Variants in GRAMD1C observed in about 807,000 individuals in gnomAD.
GRAMD1C encodes protein Aster-C.
A neutral mutation model predicts 97.8 loss-of-function variants in GRAMD1C; 89 were observed. That is an observed-to-expected ratio of 0.91 (90% CI 0.77 to 1.09). The LOEUF (loss-of-function observed/expected upper bound fraction) is 1.09, where lower values mean the gene tolerates loss of function less well. GRAMD1C is among the 50% of genes least tolerant of loss of function. GRAMD1C has a pLI of 0.00. For missense variants in GRAMD1C, 740 were observed against 766.4 expected, an observed-to-expected ratio of 0.97 and a Z score of 0.41; for synonymous variants, 256 against 267.0, an observed-to-expected ratio of 0.96 and a Z score of 0.40.
At chr3:113,919,294 A>G (rs560540110) in intron 10 of GRAMD1C, 1 of 471,256 alleles carries the variant, frequency 2.1e-6, no homozygotes, top group African/African-American at 2.0e-5. Context: ...GAAGCCAGGA[A>G]AATGACAGAA....
chr3:113,929,064 T>C (rs955720897), intron 10 of GRAMD1C, among the ~76,000 whole-genome samples: 1 of 152,252 alleles, frequency 6.6e-6, no homozygotes, highest in Non-Finnish European at 1.5e-5. Context: ...CCATACTGGC[T>C]GTATCATTTT....
intron 9 of GRAMD1C, among the ~76,000 whole-genome samples, chr3:113,913,380 C>T (rs1936680803): frequency 7.5e-6 from 1 of 133,146 alleles, no homozygotes; most frequent in South Asian, 2.3e-4. Flanking sequence ...CAAAAATTAG[C>T]TGGGTGTGGT....
At chr3:113,866,832 T>G (rs1021583368) in intron 2 of GRAMD1C, among the ~76,000 whole-genome samples, 2 of 126,942 alleles carry the variant, frequency 1.6e-5, no homozygotes, top group Non-Finnish European at 3.4e-5. Context: ...TAGACCCTTA[T>G]GTCTTTTTTT....
chr3:113,905,943 T>C (rs571844587), intron 8 of GRAMD1C, among the ~76,000 whole-genome samples: 2 of 152,250 alleles, frequency 1.3e-5, no homozygotes, highest in South Asian at 4.2e-4. Context: ...GTGATCCACC[T>C]GCCTGAGGCT....
At chr3:113,921,385 A>C (rs773998595) in intron 10 of GRAMD1C, among the ~76,000 whole-genome samples, 1 of 152,212 alleles carries the variant, frequency 6.6e-6, no homozygotes. Context: ...TATGCATTGC[A>C]TGTCTTTACT....
chr3:113,841,181 A>G (rs1230037202), intron 1 of GRAMD1C, among the ~76,000 whole-genome samples: 1 of 152,068 alleles, frequency 6.6e-6, no homozygotes, highest in African/African-American at 2.4e-5. Context: ...GTAATGAACC[A>G]TGAGGTACCA....
chr3:113,877,324 C>A (rs533649776), intron 5 of GRAMD1C, among the ~76,000 whole-genome samples: 2 of 152,150 alleles, frequency 1.3e-5, no homozygotes, highest in African/African-American at 4.8e-5. Flanking sequence ...AATTCAACAT[C>A]GAAAAATTAA....
intron 6 of GRAMD1C, among the ~76,000 whole-genome samples, chr3:113,892,330 C>T (rs908946040): frequency 2.0e-5 from 3 of 151,702 alleles, no homozygotes; most frequent in Non-Finnish European, 2.9e-5. Flanking sequence ...AAATCAGCTG[C>T]GCGTGGTGGC....
chr3:113,835,485 AGTGAAAG>A (rs1709619184), upstream of GRAMD1C, among the ~76,000 whole-genome samples: 1 of 152,230 alleles, frequency 6.6e-6, no homozygotes, highest in South Asian at 2.1e-4. Flanking sequence ...AGGACATCTC[AGTGAAAG>A]GGTGTTAGAA....
At position 113,901,144 on chromosome 3, in the gene GRAMD1C, A is replaced by G. The variant is rs767538455; in HGVS notation, c.654A>G (p.Pro218=). 1 of 1,477,140 alleles carries G rather than the reference A, an allele frequency of 6.8e-7. No homozygotes were observed. Among genetic ancestry groups the G allele is most frequent in the East Asian group, 2.3e-5 (1 of 44,190 alleles). 91.5% of individuals were successfully genotyped at this position (1,477,140 alleles called of 1,614,324 possible). The change falls in exon 7 of 18, where the codon CCA becomes CCG. Residue 218 remains proline (P), a splice_region_variant and synonymous_variant. Transcript: ENST00000358160. ...CACTGTCGATTGAGGATGTGCAGCC[A>G]AGGTACAGCAAAATGTTTTGAAATG... The part of the protein sequence containing the change: ...NLSLSIEDVQ[P]RSPGRSSLDD...
At chr3:113,861,848 A>G (rs772607329) in intron 2 of GRAMD1C, among the ~76,000 whole-genome samples, 5 of 152,162 alleles carry the variant, frequency 3.3e-5, no homozygotes, top group African/African-American at 4.8e-5. Flanking sequence ...TATTTTCCTT[A>G]AGTGTCAGCT....
At chr3:113,944,928 G>A (rs754112128) in intron 17 of GRAMD1C, among the ~76,000 whole-genome samples, 1 of 152,226 alleles carries the variant, frequency 6.6e-6, no homozygotes, top group Non-Finnish European at 1.5e-5. Flanking sequence ...AAAGTGTTAA[G>A]TAGTAAGGAT....
At chr3:113,891,543 A>C (rs1935725156) in intron 6 of GRAMD1C, among the ~76,000 whole-genome samples, 1 of 152,120 alleles carries the variant, frequency 6.6e-6, no homozygotes, top group Admixed American at 6.6e-5. Context: ...AATTCTATTA[A>C]AACAACTTTA....
chr3:113,833,130 T>TGTGTG (rs1559769419), intron 1 of GRAMD1C, among the ~76,000 whole-genome samples: 5 of 149,338 alleles, frequency 3.3e-5, no homozygotes, highest in African/African-American at 1.2e-4. Context: ...CTTTTTTTTT[T>TGTGTG]TTTTTGTGTG....
At chr3:113,886,069 CG>C (rs1168389285) in intron 6 of GRAMD1C, 45 of 731,504 alleles carry the variant, frequency 6.2e-5, no homozygotes, top group South Asian at 5.7e-4. Context: ...GGTGGGGGGG[CG>C]GGGGGGAAAG....
At position 113,933,573 on chromosome 3, in the gene GRAMD1C, T is replaced by C; in HGVS notation, c.1272T>C (p.His424=). 1.9e-6 allele frequency: 3 copies of C among 1,601,568 alleles called. No individual in the cohort carries two copies. The highest frequency in any genetic ancestry group is 1.7e-6 in the Non-Finnish European group (2 of 1,168,720). ...TGGTAGATTCAGAAGTACTGACACA[T>C]GATGTCCCCTACCATGATTACTTCT... ...FYLVDSEVLT[H]DVPYHDYFYT... The change falls in exon 12 of 18, where the codon CAT becomes CAC. Residue 424 remains histidine, a synonymous_variant. Transcript: ENST00000358160.
At chr3:113,890,561 A>G in intron 6 of GRAMD1C, 1 of 560,196 alleles carries the variant, frequency 1.8e-6, no homozygotes, top group Non-Finnish European at 3.2e-6. Context: ...GGGGTGCTCT[A>G]TTCTAGCACT....
chr3:113,933,893 A>G (rs1937527895), intron 12 of GRAMD1C, among the ~76,000 whole-genome samples: 1 of 152,226 alleles, frequency 6.6e-6, no homozygotes, highest in East Asian at 1.9e-4. Flanking sequence ...AGGAAGAGAA[A>G]GCTGTAGAAT....
intron 1 of GRAMD1C, among the ~76,000 whole-genome samples, chr3:113,832,359 A>G (rs1709570691): frequency 6.6e-6 from 1 of 151,530 alleles, no homozygotes; most frequent in South Asian, 2.1e-4. Context: ...CAGGTTGTAC[A>G]CCTCCCCAGG....
Sources: gnomAD v4.1 joint callset for allele counts (sites outside exome capture counted in the v4.1 genomes callset) on GRCh38, gnomAD v4.1.1 for gene constraint, MANE v1.5 for transcripts, NCBI Gene and HGNC (gene_info 2026-07-23, HGNC 2026-07-21) for gene names.